NAV1: variants seen among roughly 807,000 people sequenced by gnomAD.
The protein encoded by NAV1 is neuron navigator 1, also known as pore membrane and/or filament interacting like protein 3.
In NAV1, 18 loss-of-function variants were observed where a neutral mutation model predicts 175.2. The ratio of observed to expected loss-of-function variants is 0.10; its 90% CI spans 0.07 to 0.15. The LOEUF (loss-of-function observed/expected upper bound fraction) is 0.15, where lower values mean the gene tolerates loss of function less well. Ranked by LOEUF, NAV1 falls within the 10% of genes least tolerant of loss-of-function variation. The pLI is 1.00. For missense variants in NAV1, 1,731 were observed against 2,436.6 expected (o/e 0.71, Z 6.10); for synonymous variants, 897 against 978.7 (o/e 0.92, Z 1.56).
chr1:201,781,156 C>T lies in NAV1; in HGVS notation c.1510C>T (p.Arg504Trp), dbSNP rs759284972. ...TGGGACTTCTAAGTGGCGGAGGGAG[C>T]GGCCTGAGAGCTGTGATGATTCATC... The change falls in exon 5 of 30, where the codon CGG becomes TGG. Residue 504 changes from arginine to tryptophan, a missense_variant. Physicochemically the swap from Arg to Trp is moderately radical, Grantham distance 101. Transcript: ENST00000367296. 17 of 1,614,102 alleles carry T rather than the reference C, an allele frequency of 1.1e-5. No homozygotes were observed. In the South Asian group the frequency reaches 1.1e-4, roughly 10 times the overall value.
intron 1 of NAV1, among the ~76,000 whole-genome samples, chr1:201,665,005 A>G (rs1049925201): frequency 1.3e-5 from 2 of 152,170 alleles, no homozygotes; most frequent in Non-Finnish European, 2.9e-5. Flanking sequence ...TCTCCCCAGG[A>G]TGCTAGTTCC....
chr1:201,785,281 TC>T (rs753327434), intron 7 of NAV1, 28 bp from the exon 12 acceptor site: 3 of 1,302,090 alleles, frequency 2.3e-6, no homozygotes, highest in Admixed American at 2.7e-5. Context: ...TCTCTCTCTC[TC>T]TTTTTTTTTT....
chr1:201,550,300 CAGCTGG>C (rs1665819479), intron 1 of NAV1, among the ~76,000 whole-genome samples: 1 of 151,878 alleles, frequency 6.6e-6, no homozygotes, highest in South Asian at 2.1e-4. Flanking sequence ...GCCTCCTAAA[CAGCTGG>C]GACCACAGGC....
chr1:201,781,452 G>GATAAGACTTAGACTTA, intron 5 of NAV1, 143 bp downstream of exon 9: 1 of 802,426 alleles, frequency 1.2e-6, no homozygotes, highest in Non-Finnish European at 1.9e-6. Context: ...TCTAAGGACA[G>GATAAGACTTAGACTTA]TCCCGTGAGT....
chr1:201,703,133 C>G (rs1671512689), intron 1 of NAV1, among the ~76,000 whole-genome samples: 1 of 152,214 alleles, frequency 6.6e-6, no homozygotes, highest in African/African-American at 2.4e-5. Flanking sequence ...GTTGCCATAA[C>G]AACCACTCCC....
intron 1 of NAV1, among the ~76,000 whole-genome samples, chr1:201,549,103 C>CTTTA (rs1024629694): frequency 2.0e-5 from 3 of 147,944 alleles, no homozygotes; most frequent in African/African-American, 7.5e-5. Flanking sequence ...TTCTTTCTTT[C>CTTTA]TTTCTTTCTT....
chr1:201,696,294 C>A (rs371599957), intron 1 of NAV1, among the ~76,000 whole-genome samples: 2 of 152,104 alleles, frequency 1.3e-5, no homozygotes, highest in African/African-American at 2.4e-5. Context: ...TGGAATCGGG[C>A]GGAAGAGGAG....
intron 2 of NAV1, among the ~76,000 whole-genome samples, chr1:201,637,050 A>T (rs550415037): frequency 6.6e-6 from 1 of 152,342 alleles, no homozygotes; most frequent in African/African-American, 2.4e-5. Context: ...GCCAGTGATT[A>T]TTCTATTAAA....
exon 30 of NAV1, chr1:201,820,738 A>C (rs1679333540): frequency 6.6e-6 from 1 of 152,060 alleles, no homozygotes; most frequent in African/African-American, 2.4e-5. Flanking sequence ...AAGAGTCAAT[A>C]AACCCTACTT....
In NAV1 at chr1:201,650,518, C is replaced by G. The variant is rs142669908; in HGVS notation, c.757+1093C>G. 3.9e-3 allele frequency among the ~76,000 whole-genome samples: 590 copies of G among 152,312 alleles called. 1 individual carries two copies. Among genetic ancestry groups the G allele is most frequent in the African/African-American group, 0.013 (538 of 41,570 alleles). ...CCGAGCTTCCTGGGTACCCGGCAGG[C>G]TGCCCGCCCGCTGGGGGCTGGGAAG... On this transcript the variant is annotated intron_variant, in intron 1 of 29. Coordinates refer to ENST00000367296, the Ensembl canonical transcript of NAV1.
At chr1:201,642,751 CTTCTT>C (rs1296391989) in intron 2 of NAV1, among the ~76,000 whole-genome samples, 13 of 140,888 alleles carry the variant, frequency 9.2e-5, no homozygotes, top group East Asian at 2.2e-4. Context: ...TCCCTCCCTC[CTTCTT>C]TTCTTTTCTT....
chr1:201,681,700 G>A (rs543618339), intron 1 of NAV1, among the ~76,000 whole-genome samples: 5 of 152,164 alleles, frequency 3.3e-5, no homozygotes, highest in East Asian at 3.8e-4. Context: ...CCAGCCAGGC[G>A]CAGTGGCTCA....
chr1:201,595,550 T>C (rs1288464895), intron 2 of NAV1, among the ~76,000 whole-genome samples: 1 of 152,170 alleles, frequency 6.6e-6, no homozygotes, highest in Non-Finnish European at 1.5e-5. Flanking sequence ...GTCCCTCCTC[T>C]CCAGGCCATA....
At chr1:201,608,370 C>T (rs78153450) in intron 2 of NAV1, among the ~76,000 whole-genome samples, 2,016 of 152,180 alleles carry the variant, frequency 0.013, 48 homozygotes, top group African/African-American at 0.046. Flanking sequence ...TCCAAGTCTG[C>T]GAATGCCAGT....
intron 1 of NAV1, among the ~76,000 whole-genome samples, chr1:201,557,901 G>A (rs891847616): frequency 4.3e-4 from 65 of 152,136 alleles, no homozygotes; most frequent in African/African-American, 1.4e-3. Flanking sequence ...TGTGCTGGGC[G>A]GTGACTGAGC....
At chr1:201,737,905 C>T (rs781610581) in intron 3 of NAV1, among the ~76,000 whole-genome samples, 15 of 152,276 alleles carry the variant, frequency 9.9e-5, no homozygotes, top group East Asian at 1.9e-4. Context: ...TCACTGTAAG[C>T]TGTTCCCCAG....
At chr1:201,547,982 C>T (rs758248781) in intron 1 of NAV1, among the ~76,000 whole-genome samples, 4 of 152,180 alleles carry the variant, frequency 2.6e-5, no homozygotes, top group South Asian at 2.1e-4. Flanking sequence ...TCAGTAGAGA[C>T]GGGGTTCCAC....
rs540564395 is a variant in NAV1, at chr1:201,601,947, C to T, written c.-33+13298C>T. ...AGGGGATCCACAGGCCCTTTGGAAA[C>T]CTCTGAGTTCCAGCCAGCTCAGGTT... On this transcript the variant is annotated intron_variant, in intron 2 of 33. Coordinates refer to the NAV1 transcript ENST00000685211. Among the ~76,000 whole-genome samples, 9 of 152,306 alleles carry T rather than the reference C, an allele frequency of 5.9e-5. No individual in the cohort carries two copies. The South Asian group carries it at 1.9e-3, about 32-fold the overall frequency.
rs181165738 is a variant in NAV1 at position 201,707,186 on chromosome 1, C to T, written c.758-5631C>T. Among the ~76,000 whole-genome samples, 1,010 of 152,258 alleles carry T rather than the reference C, an allele frequency of 6.6e-3. 13 individuals carry two copies. The highest frequency in any genetic ancestry group is 0.022 in the African/African-American group (930 of 41,520). Reference sequence around the variant, plus strand: ...GTCTCACCTAGCCAAAGCAAGGTTCCGGAAGAGAATGTCAGGTCCGTTGAG... The same window carrying T: ...GTCTCACCTAGCCAAAGCAAGGTTCTGGAAGAGAATGTCAGGTCCGTTGAG... On this transcript the variant is annotated intron_variant, in intron 1 of 29. Coordinates refer to ENST00000367296, the Ensembl canonical transcript of NAV1.
Sources: allele counts gnomAD v4.1 joint callset (sites outside exome capture counted in the v4.1 genomes callset), GRCh38; gene constraint gnomAD v4.1.1; transcripts MANE v1.5; gene names NCBI Gene and HGNC (gene_info 2026-07-23, HGNC 2026-07-21).